BMPR1B: variants seen among roughly 807,000 people sequenced by gnomAD.
BMPR1B encodes the protein bone morphogenetic protein receptor type-1B.
In BMPR1B, 12 loss-of-function variants were observed where a neutral mutation model predicts 59.1. That is an observed-to-expected ratio of 0.20 (90% CI 0.13 to 0.33). The LOEUF is 0.33. BMPR1B is among the 10% of genes least tolerant of loss of function. The pLI, the probability that BMPR1B is intolerant of heterozygous loss-of-function variation, is 1.00. For synonymous variants in BMPR1B, 237 were observed against 207.3 expected (o/e 1.14, Z -1.23); for missense variants, 550 against 610.9 (o/e 0.90, Z 1.05).
intron 1 of BMPR1B, among the ~76,000 whole-genome samples, chr4:94,776,156 T>G (rs1376349253): frequency 1.3e-5 from 2 of 152,032 alleles, no homozygotes; most frequent in African/African-American, 2.4e-5. Context: ...GGTTTCTCTT[T>G]TGAAATTTTT....
intron 6 of BMPR1B, among the ~76,000 whole-genome samples, chr4:95,120,634 C>CTTCCTTCCTTCCTTCT: frequency 7.0e-6 from 1 of 143,546 alleles, no homozygotes; most frequent in Non-Finnish European, 1.5e-5. Flanking sequence ...TCCTTCCTTC[C>CTTCCTTCCTTCCTTCT]TTCCTTCCTT....
At chr4:95,126,921 C>G (rs1367583779) in intron 8 of BMPR1B, among the ~76,000 whole-genome samples, 1 of 151,964 alleles carries the variant, frequency 6.6e-6, no homozygotes, top group Non-Finnish European at 1.5e-5. Context: ...ATACTTGGAC[C>G]TTGTGTTTAA....
chr4:94,863,016 G>T (rs956360838), intron 1 of BMPR1B, among the ~76,000 whole-genome samples: 1 of 150,848 alleles, frequency 6.6e-6, no homozygotes, highest in Admixed American at 6.6e-5. Flanking sequence ...TACTTGAGAG[G>T]CTGAGGCGGA....
chr4:95,098,450 ATAATT>A (rs1553936822), intron 3 of BMPR1B, among the ~76,000 whole-genome samples: 17 of 152,136 alleles, frequency 1.1e-4, no homozygotes, highest in Non-Finnish European at 2.2e-4. Flanking sequence ...ATACCTTTGC[ATAATT>A]ATAAAGTTAG....
chr4:95,027,920 A>G (rs1259650736), intron 3 of BMPR1B, among the ~76,000 whole-genome samples: 2 of 152,180 alleles, frequency 1.3e-5, no homozygotes, highest in Admixed American at 1.3e-4. Context: ...TAGAAGAGTC[A>G]CCAAAGTAAA....
chr4:95,075,082 C>T (rs1055600762), intron 3 of BMPR1B, among the ~76,000 whole-genome samples: 2 of 152,108 alleles, frequency 1.3e-5, no homozygotes, highest in African/African-American at 4.8e-5. Context: ...ATTTACCATC[C>T]TGCTTTACAC....
At chr4:95,095,216 A>C (rs1730279179) in intron 3 of BMPR1B, among the ~76,000 whole-genome samples, 1 of 152,092 alleles carries the variant, frequency 6.6e-6, no homozygotes, top group African/African-American at 2.4e-5. Flanking sequence ...TGTTGAAAAT[A>C]AAAATTAGCG....
chr4:94,849,793 G>GGTGTGT (rs1553912364), intron 1 of BMPR1B, among the ~76,000 whole-genome samples: 81 of 26,928 alleles, frequency 3.0e-3, no homozygotes, highest in African/African-American at 0.027. Context: ...GGGGTTTTTT[G>GGTGTGT]GTGTGTGTGT....
At chr4:94,859,685 T>G (rs1335601209) in intron 1 of BMPR1B, among the ~76,000 whole-genome samples, 1 of 151,984 alleles carries the variant, frequency 6.6e-6, no homozygotes, top group East Asian at 1.9e-4. Context: ...ATAAAGATGA[T>G]GAATCTTAAA....
chr4:94,841,987 G>A (rs1725105386), intron 1 of BMPR1B, among the ~76,000 whole-genome samples: 1 of 152,120 alleles, frequency 6.6e-6, no homozygotes, highest in Admixed American at 6.5e-5. Context: ...GATCCCCAGT[G>A]GAAACCAGGG....
intron 3 of BMPR1B, among the ~76,000 whole-genome samples, chr4:95,071,652 G>GTATATATATA (rs58148216): frequency 2.7e-3 from 231 of 84,314 alleles, no homozygotes; most frequent in Middle Eastern, 8.9e-3. Context: ...GTGTGTGTGT[G>GTATATATATA]TATATATATA....
intron 1 of BMPR1B, among the ~76,000 whole-genome samples, chr4:94,823,748 GT>G (rs34501634): frequency 0.41 from 61,548 of 149,192 alleles, 13,089 homozygotes; most frequent in African/African-American, 0.55. Flanking sequence ...TATCCTTTTG[GT>G]TTTTTTTTTT....
rs549615749 is a variant in BMPR1B, at chr4:94,807,755, G to T, written c.-183+49687G>T. ...GCTGGAGTGCAGTGGCACAATGTTG[G>T]CTCACTGCAACCTCTTCCTCCCGGG... On this transcript the variant is annotated intron_variant, in intron 1 of 12. Coordinates refer to ENST00000515059, the MANE Select transcript of BMPR1B (RefSeq NM_001203.3). Among the ~76,000 whole-genome samples the T allele has an allele frequency of 2.0e-5, 3 of 152,250 alleles. No individual in the cohort carries two copies. The South Asian group carries it at 6.2e-4, about 32-fold the overall frequency.
At chr4:94,806,996 G>T (rs754983011) in intron 1 of BMPR1B, among the ~76,000 whole-genome samples, 6 of 151,844 alleles carry the variant, frequency 4.0e-5, no homozygotes, top group Non-Finnish European at 8.8e-5. Flanking sequence ...AGTTATTTGT[G>T]CATTAAAATA....
intron 2 of BMPR1B, among the ~76,000 whole-genome samples, chr4:94,916,087 G>A (rs940274518): frequency 2.0e-5 from 3 of 152,168 alleles, no homozygotes; most frequent in Non-Finnish European, 4.4e-5. Flanking sequence ...TAGCCTGCAG[G>A]ACCATGAGCT....
At chr4:94,973,514 C>G (rs959137725) in intron 2 of BMPR1B, among the ~76,000 whole-genome samples, 2 of 152,196 alleles carry the variant, frequency 1.3e-5, no homozygotes, top group African/African-American at 4.8e-5. Context: ...AGCTGTCCCT[C>G]TGAAGTCAAG....
chr4:95,019,162 T>A (rs1049465026), intron 3 of BMPR1B, among the ~76,000 whole-genome samples: 12 of 152,166 alleles, frequency 7.9e-5, no homozygotes, highest in African/African-American at 2.9e-4. Context: ...CTAATGGAAA[T>A]AACCTATGCT....
At chr4:94,798,532 G>C (rs547897620) in intron 1 of BMPR1B, among the ~76,000 whole-genome samples, 1 of 152,286 alleles carries the variant, frequency 6.6e-6, no homozygotes, top group Non-Finnish European at 1.5e-5. Flanking sequence ...ATCACATCCA[G>C]CCTCTTAACA....
intron 1 of BMPR1B, among the ~76,000 whole-genome samples, chr4:94,804,759 G>A (rs1038080271): frequency 6.6e-6 from 1 of 152,062 alleles, no homozygotes; most frequent in Admixed American, 6.6e-5. Context: ...TTTATGTGAT[G>A]TGGAAACTAT....
Sources: gnomAD v4.1 joint callset for allele counts (sites outside exome capture counted in the v4.1 genomes callset) on GRCh38, gnomAD v4.1.1 for gene constraint, MANE v1.5 for transcripts, NCBI Gene and HGNC (gene_info 2026-07-23, HGNC 2026-07-21) for gene names.